TMIGD3: variants seen among roughly 807,000 people sequenced by gnomAD.
TMIGD3 encodes the protein transmembrane and immunoglobulin domain containing 3.
A neutral mutation model predicts 28.1 loss-of-function variants in TMIGD3; 21 were observed. The ratio of observed to expected loss-of-function variants is 0.75; its 90% CI spans 0.53 to 1.08. TMIGD3 has a LOEUF of 1.08. Among genes scored for constraint, TMIGD3 ranks in the 50% least tolerant of loss-of-function variants. TMIGD3 has a pLI of 0.00. For synonymous variants in TMIGD3, 151 were observed against 162.1 expected, an observed-to-expected ratio of 0.93 and a Z score of 0.52; for missense variants, 416 against 435.6, an observed-to-expected ratio of 0.96 and a Z score of 0.40.
chr1:111,532,847 TGGATGAG>T (rs1334555670), intron 1 of TMIGD3, among the ~76,000 whole-genome samples: 22 of 152,148 alleles, frequency 1.4e-4, no homozygotes, highest in African/African-American at 5.1e-4. Flanking sequence ...AGGGTGAAGA[TGGATGAG>T]CTGATAGCGG....
chr1:111,500,812 A>C, intron 1 of TMIGD3: 1 of 547,516 alleles, frequency 1.8e-6, no homozygotes. Context: ...CTAAAGAAGA[A>C]AACTCTTGAA....
intron 1 of TMIGD3, among the ~76,000 whole-genome samples, chr1:111,536,181 T>C (rs753317716): frequency 3.3e-5 from 5 of 151,986 alleles, no homozygotes; most frequent in Non-Finnish European, 5.9e-5. Context: ...TTTTCTCTGC[T>C]CACATCGGAG....
At chr1:111,557,748 A>G (rs1286518950) in intron 1 of TMIGD3, among the ~76,000 whole-genome samples, 4 of 152,180 alleles carry the variant, frequency 2.6e-5, no homozygotes, top group African/African-American at 7.2e-5. Context: ...ACAGAAATCT[A>G]AAAACAATTG....
intron 1 of TMIGD3, among the ~76,000 whole-genome samples, chr1:111,540,263 T>C (rs1296702230): frequency 6.6e-6 from 1 of 152,192 alleles, no homozygotes; most frequent in Admixed American, 6.5e-5. Context: ...GCACCCAGAA[T>C]GTTTTGACAT....
rs200439114 is a variant in TMIGD3 at position 111,498,508 on chromosome 1, TTAA to T, written c.350+4494_350+4496del. ...CAAAGCTGTAGTTTGTGCCTATCTG[TTAA>T]TTGTACATAATATGAGCTTGAAAGT... On this transcript the variant is annotated intron_variant, in intron 1 of 5. Coordinates refer to ENST00000369716, the MANE Select transcript of TMIGD3 (RefSeq NM_020683.7). Among the ~76,000 whole-genome samples, 207 of 152,322 alleles carry T rather than the reference TTAA, an allele frequency of 1.4e-3. 9 individuals are homozygous for T. In the East Asian group the frequency reaches 0.032, roughly 23 times the overall value.
chr1:111,509,847 T>C (rs930531725), intron 1 of TMIGD3, among the ~76,000 whole-genome samples: 6 of 152,208 alleles, frequency 3.9e-5, no homozygotes, highest in Non-Finnish European at 7.3e-5. Flanking sequence ...TGCTGGGAAG[T>C]ATTATTAGAT....
chr1:111,544,626 C>A (rs571954817), intron 1 of TMIGD3, among the ~76,000 whole-genome samples: 2 of 152,196 alleles, frequency 1.3e-5, no homozygotes, highest in East Asian at 3.9e-4. Flanking sequence ...TTGGTTTGTT[C>A]CATTTTCAGG....
rs545014616 is a variant in TMIGD3, at chr1:111,501,697, C to G, written c.350+1308G>C. On this transcript the variant is annotated intron_variant, in intron 1 of 5. Transcript: ENST00000369716. ...CAAGGTAAGTCTGAGTTCCGAGCAT[C>G]GTAACCACTGTGATACAGAGTGGAA... Among the ~76,000 whole-genome samples, 9 of 152,156 alleles carry G rather than the reference C, an allele frequency of 5.9e-5. No individual in the cohort carries two copies. The East Asian group carries it at 1.5e-3, about 26-fold the overall frequency.
chr1:111,500,962 C>T, intron 1 of TMIGD3: 1 of 246,488 alleles, frequency 4.1e-6, no homozygotes, highest in South Asian at 1.2e-4. Flanking sequence ...GTGAATTCAG[C>T]AGTTTAAGTC....
At chr1:111,494,353 C>A (rs7512445) in intron 1 of TMIGD3, among the ~76,000 whole-genome samples, 13,184 of 152,276 alleles carry the variant, frequency 0.087, 752 homozygotes, top group East Asian at 0.24. Context: ...TGATAAACAA[C>A]TTTAGCAAAG....
chr1:111,488,689 A>G lies in TMIGD3; in HGVS notation c.793T>C (p.Trp265Arg). 1.2e-6 allele frequency: 2 copies of G among 1,613,420 alleles called. No homozygotes were observed. The highest frequency in any genetic ancestry group is 2.2e-5 in the East Asian group (1 of 44,874). Residue 265 changes from tryptophan to arginine, a missense_variant, in exon 3 of 6, where the codon TGG becomes CGG. By Grantham distance (101) the Trp-to-Arg change is moderately radical. Coordinates refer to ENST00000369716, the MANE Select transcript of TMIGD3 (RefSeq NM_020683.7). ...GCAGGCTCCTTACCTTTCCCAGACC[A>G]AAAGTCATTGGCCAGGGTTCCTTTG... The part of the protein sequence containing the change: ...DDKGTLANDF[W>R]SGKDLSGNKT...
At chr1:111,506,913 T>TATTATA (rs10653520), upstream of TMIGD3, among the ~76,000 whole-genome samples, 5 of 121,902 alleles carry the variant, frequency 4.1e-5, no homozygotes, top group Admixed American at 7.6e-5. Context: ...TATATATATA[T>TATTATA]TATATATATA....
intron 1 of TMIGD3, among the ~76,000 whole-genome samples, chr1:111,538,945 T>C (rs1289782793): frequency 2.6e-5 from 4 of 152,148 alleles, no homozygotes; most frequent in African/African-American, 9.7e-5. Context: ...TCTGCAAGCA[T>C]TCGTATATTC....
At chr1:111,539,881 T>A (rs2364814) in intron 1 of TMIGD3, among the ~76,000 whole-genome samples, 15,843 of 152,172 alleles carry the variant, frequency 0.1, 1,354 homozygotes, top group East Asian at 0.47. Flanking sequence ...CTTAACTAGC[T>A]AGCTCTCTGC....
intron 1 of TMIGD3, among the ~76,000 whole-genome samples, chr1:111,501,556 A>G (rs1655176403): frequency 6.6e-6 from 1 of 152,228 alleles, no homozygotes; most frequent in Admixed American, 6.5e-5. Flanking sequence ...AGCTTTACAT[A>G]TGTTAACGCA....
intron 1 of TMIGD3, among the ~76,000 whole-genome samples, chr1:111,522,266 A>G (rs1393296265): frequency 6.6e-6 from 1 of 152,222 alleles, no homozygotes; most frequent in Non-Finnish European, 1.5e-5. Flanking sequence ...ACATACATAC[A>G]TTTTAAAATC....
chr1:111,556,339 T>C (rs1657491948), intron 1 of TMIGD3, among the ~76,000 whole-genome samples: 1 of 152,176 alleles, frequency 6.6e-6, no homozygotes, highest in African/African-American at 2.4e-5. Context: ...TGTAAAATTG[T>C]ACAAGTGCTA....
In TMIGD3 at chr1:111,485,726, C is replaced by CAAAAAAAAAAAAACCCAAAAAAA; in HGVS notation, c.973+13_973+14insTTTTTTTGGGTTTTTTTTTTTTT. Reference sequence around the variant, plus strand: ...AATTCTTGCCCACCCCCTCCCTCAACAATAGCTACTTACCCCTTCTATTCC... The same window carrying CAAAAAAAAAAAAACCCAAAAAAA: ...AATTCTTGCCCACCCCCTCCCTCAACAAAAAAAAAAAAACCCAAAAAAAAATAGCTACTTACCCCTTCTATTCC... On this transcript the variant is annotated intron_variant, in intron 5 of 5. Coordinates refer to ENST00000369716, the MANE Select transcript of TMIGD3 (RefSeq NM_020683.7). 1 of 850,660 alleles carries CAAAAAAAAAAAAACCCAAAAAAA rather than the reference C, an allele frequency of 1.2e-6. No individual in the cohort carries two copies. The allele number at this position is 850,660 out of a possible 1,614,324, so 52.7% of individuals were successfully genotyped here.
intron 1 of TMIGD3, among the ~76,000 whole-genome samples, chr1:111,513,698 T>C (rs953082665): frequency 5.3e-5 from 8 of 152,100 alleles, no homozygotes; most frequent in Non-Finnish European, 8.8e-5. Flanking sequence ...GAACTCTAGG[T>C]CACTGCAGAT....
Sources: allele counts gnomAD v4.1 joint callset (sites outside exome capture counted in the v4.1 genomes callset), GRCh38; gene constraint gnomAD v4.1.1; transcripts MANE v1.5; gene names NCBI Gene and HGNC (gene_info 2026-07-23, HGNC 2026-07-21).